The following CST8 variants were observed in gnomAD, a reference collection of about 807,000 sequenced individuals.
CST8 encodes cystatin-8.
CST8 carries 20 observed loss-of-function variants against 11.8 expected under a neutral mutation model. The observed-to-expected ratio is 1.70, with a 90% CI of 1.20 to 2.47. The LOEUF is 2.47. Among genes scored for constraint, CST8 ranks in the 30% most tolerant of loss-of-function variants. The pLI is 0.00. For missense variants in CST8, 196 were observed against 167.2 expected (o/e 1.17, Z -0.95); for synonymous variants, 77 against 63.1 (o/e 1.22, Z -1.05).
downstream of CST8, among the ~76,000 whole-genome samples, chr20:23,500,867 C>A (rs1213940844): frequency 6.6e-6 from 1 of 152,092 alleles, no homozygotes; most frequent in African/African-American, 2.4e-5. Context: ...ATGTTACTTC[C>A]TTCTTGCTCT....
At chr20:23,497,932 A>G (rs1044412222), downstream of CST8, among the ~76,000 whole-genome samples, 2 of 152,040 alleles carry the variant, frequency 1.3e-5, no homozygotes, top group East Asian at 1.9e-4. Context: ...ATAAATCTTG[A>G]AGGATAAGCT....
intron 3 of CST8, 47 bp from the exon 4 acceptor site, chr20:23,495,775 CTTTTTTTTT>C (rs11482296): frequency 4.3e-6 from 4 of 934,150 alleles, no homozygotes; most frequent in Middle Eastern, 2.7e-4. Flanking sequence ...TTTTTCTTTT[CTTTTTTTTT>C]TTTTTTTTGG....
In CST8 at chr20:23,491,573, C is replaced by A; in HGVS notation, c.-95C>A. ...AGTGTGTGGCTCGAAGATTCTTGAA[C>A]CCACAGCAGCAGCTGCGGCCACCCC... On this transcript the variant is annotated 5_prime_UTR_variant, in exon 2 of 4. Coordinates refer to ENST00000246012, the MANE Select transcript of CST8 (RefSeq NM_005492.4). The A allele has an allele frequency of 2.1e-6, 2 of 931,832 alleles. No individual in the cohort carries two copies. Among genetic ancestry groups the A allele is most frequent in the Non-Finnish European group, 3.4e-6 (2 of 588,074 alleles). The allele number at this position is 931,832 out of a possible 1,614,324, so 57.7% of individuals were successfully genotyped here.
chr20:23,492,824 C>A, intron 2 of CST8, 134 bp from the exon 3 acceptor site: 1 of 684,120 alleles, frequency 1.5e-6, no homozygotes, highest in Non-Finnish European at 2.6e-6. Flanking sequence ...CTTAGCCTTC[C>A]GCTAAAGCTC....
At chr20:23,499,221 G>T (rs1464115086), downstream of CST8, among the ~76,000 whole-genome samples, 1 of 151,936 alleles carries the variant, frequency 6.6e-6, no homozygotes, top group Admixed American at 6.6e-5. Flanking sequence ...TCTATGCACA[G>T]GTCTATTTCT....
the CST8 span, among the ~76,000 whole-genome samples, chr20:23,504,357 C>T: frequency 1.3e-5 from 2 of 152,116 alleles, no homozygotes; most frequent in African/African-American, 2.4e-5. Context: ...CCTTTGTATC[C>T]GCCCACTCCT....
the CST8 span, among the ~76,000 whole-genome samples, chr20:23,506,699 T>C: frequency 1.8e-4 from 27 of 152,146 alleles, no homozygotes; most frequent in Admixed American, 2.6e-4. Context: ...TGACTACCTA[T>C]CATATATAGC....
At chr20:23,497,839 G>C (rs555170826), downstream of CST8, among the ~76,000 whole-genome samples, 2 of 152,222 alleles carry the variant, frequency 1.3e-5, no homozygotes, top group East Asian at 3.9e-4. Context: ...TGTCATGTGG[G>C]GATTATTACA....
intron 1 of CST8, 68 bp from the exon 2 acceptor site, chr20:23,491,457 G>T: frequency 1.7e-6 from 1 of 584,678 alleles, no homozygotes; most frequent in African/African-American, 1.9e-5. Context: ...GCATTCCTGG[G>T]TGGGTTTCCA....
At position 23,493,021 on chromosome 20, in the gene CST8, T is replaced by A. The variant is rs1309589004; in HGVS notation, c.295T>A (p.Leu99Ile). The change falls in exon 3 of 4, where the codon TTA becomes ATA. Residue 99 changes from leucine (L) to isoleucine (I), a missense_variant. Leu to Ile is a conservative substitution (Grantham distance 5, BLOSUM62 2). Coordinates refer to ENST00000246012, the MANE Select transcript of CST8 (RefSeq NM_005492.4). ...TGCCCGCAGCGATTGCAGAAAGCCTTTAAGCACTAATGAAATCTGCGCCAT... is the reference window on the plus strand; with the variant it reads ...TGCCCGCAGCGATTGCAGAAAGCCTATAAGCACTAATGAAATCTGCGCCAT... Reference protein sequence around the residue: ...EIARSDCRKPLSTNEICAIQE... With the variant: ...EIARSDCRKPISTNEICAIQE... 1.9e-6 allele frequency: 3 copies of A among 1,613,528 alleles called. No homozygotes were observed. The highest frequency in any genetic ancestry group is 2.2e-5 in the South Asian group (2 of 91,076).
At chr20:23,503,925 C>A in the CST8 span, among the ~76,000 whole-genome samples, 1 of 152,198 alleles carries the variant, frequency 6.6e-6, no homozygotes, top group Non-Finnish European at 1.5e-5. Context: ...ACGGGTTCAA[C>A]CTTCCCACGT....
rs1162284576 is a variant in CST8 at position 23,491,562 on chromosome 20, AGATT to A, written c.-105_-102del. 1.9e-5 allele frequency: 16 copies of A among 835,278 alleles called. No homozygotes were observed. Among genetic ancestry groups the A allele is most frequent in the Non-Finnish European group, 3.0e-5 (15 of 506,496 alleles). 51.7% of individuals were successfully genotyped at this position (835,278 alleles called of 1,614,324 possible). Reference sequence around the variant, plus strand: ...TAACAGGAGGCAGTGTGTGGCTCGAAGATTCTTGAACCCACAGCAGCAGCTGCGG... The same window carrying A: ...TAACAGGAGGCAGTGTGTGGCTCGAACTTGAACCCACAGCAGCAGCTGCGG... On this transcript the variant is annotated 5_prime_UTR_variant, in exon 2 of 4. Transcript: ENST00000246012.
At chr20:23,505,853 A>G in the CST8 span, among the ~76,000 whole-genome samples, 1 of 152,220 alleles carries the variant, frequency 6.6e-6, no homozygotes, top group African/African-American at 2.4e-5. Context: ...TTGTGTGCAC[A>G]TTAAAGCTTG....
At position 23,493,024 on chromosome 20, in the gene CST8, AG is replaced by A; in HGVS notation, c.299del (p.Ser100ThrfsTer14). The A allele has an allele frequency of 6.2e-7, 1 of 1,613,708 alleles. No homozygotes were observed. Among genetic ancestry groups the A allele is most frequent in the Non-Finnish European group, 8.5e-7 (1 of 1,179,630 alleles). On this transcript the variant is annotated frameshift_variant, in exon 3 of 4. Coordinates refer to ENST00000246012, the MANE Select transcript of CST8 (RefSeq NM_005492.4). LOFTEE classifies it low-confidence loss of function (END_TRUNC). ...IARSDCRKPL[S>X]TNEICAIQEN... ...CCGCAGCGATTGCAGAAAGCCTTTA[AG>A]CACTAATGAAATCTGCGCCATTCAA...
the CST8 span, among the ~76,000 whole-genome samples, chr20:23,505,139 C>CTTTTTTTTTT: frequency 3.7e-5 from 3 of 82,030 alleles, no homozygotes; most frequent in Admixed American, 1.5e-4. Context: ...AAGAAGCATT[C>CTTTTTTTTTT]TTTTTTTTTT....
At chr20:23,498,924 C>T (rs1988122447), downstream of CST8, among the ~76,000 whole-genome samples, 1 of 152,252 alleles carries the variant, frequency 6.6e-6, no homozygotes, top group Non-Finnish European at 1.5e-5. Context: ...GACCACAGCC[C>T]TGCCTTCCAG....
At chr20:23,493,268 T>G (rs1441245798) in intron 3 of CST8, among the ~76,000 whole-genome samples, 197 bp downstream of exon 3, 1 of 152,174 alleles carries the variant, frequency 6.6e-6, no homozygotes, top group East Asian at 1.9e-4. Flanking sequence ...TTTCTCATCC[T>G]TCATCCTGCA....
downstream of CST8, among the ~76,000 whole-genome samples, chr20:23,500,692 G>A (rs757310280): frequency 6.6e-6 from 1 of 151,674 alleles, no homozygotes; most frequent in Admixed American, 6.6e-5. Flanking sequence ...AGAGTGTGGG[G>A]GTGAAAATGG....
At chr20:23,502,364 G>A in the CST8 span, among the ~76,000 whole-genome samples, 1 of 152,224 alleles carries the variant, frequency 6.6e-6, no homozygotes, top group Non-Finnish European at 1.5e-5. Flanking sequence ...AAGTAGCAAT[G>A]GTGAGAAGCC....
Sources: gnomAD v4.1 joint callset for allele counts (sites outside exome capture counted in the v4.1 genomes callset) on GRCh38, gnomAD v4.1.1 for gene constraint, MANE v1.5 for transcripts, NCBI Gene and HGNC (gene_info 2026-07-23, HGNC 2026-07-21) for gene names.